The following FGF14 variants were observed in gnomAD, a reference collection of about 807,000 sequenced individuals.
FGF14 encodes the protein fibroblast growth factor homologous factor 4.
FGF14 carries 5 observed loss-of-function variants against 25.5 expected under a neutral mutation model. The observed-to-expected ratio is 0.20, with a 90% confidence interval of 0.10 to 0.41. FGF14 has a LOEUF of 0.41. Ranked by LOEUF, FGF14 falls within the 10% of genes least tolerant of loss-of-function variation. The pLI, the probability that FGF14 is intolerant of heterozygous loss-of-function variation, is 1.00. For synonymous variants in FGF14, 138 were observed against 118.3 expected, an observed-to-expected ratio of 1.17 and a Z score of -1.08; for missense variants, 222 against 320.1, an observed-to-expected ratio of 0.69 and a Z score of 2.34.
At chr13:102,337,434 C>T (rs572096918) in intron 1 of FGF14, among the ~76,000 whole-genome samples, 52 of 152,238 alleles carry the variant, frequency 3.4e-4, no homozygotes, top group African/African-American at 1.1e-3. Flanking sequence ...AATGAGAAAG[C>T]ATTTCTTATG....
chr13:101,946,405 C>T (rs2035810847), intron 1 of FGF14, among the ~76,000 whole-genome samples: 1 of 151,920 alleles, frequency 6.6e-6, no homozygotes, highest in African/African-American at 2.4e-5. Flanking sequence ...CCCAAGTCCC[C>T]CTCTAGCAGT....
upstream of FGF14, among the ~76,000 whole-genome samples, chr13:101,921,807 T>C (rs2034025566): frequency 6.6e-6 from 1 of 152,230 alleles, no homozygotes; most frequent in African/African-American, 2.4e-5. Flanking sequence ...AGGACTTTTA[T>C]ACTTGCTGTT....
chr13:101,777,369 C>T (rs1328447955), intron 3 of FGF14, among the ~76,000 whole-genome samples: 1 of 152,076 alleles, frequency 6.6e-6, no homozygotes, highest in African/African-American at 2.4e-5. Context: ...TAAGAATGGC[C>T]TTTTATTAAG....
chr13:102,046,976 G>A (rs1021924757), intron 1 of FGF14, among the ~76,000 whole-genome samples: 9 of 152,098 alleles, frequency 5.9e-5, no homozygotes, highest in African/African-American at 2.2e-4. Flanking sequence ...GGAGGTGTCA[G>A]GTTAGTGTTA....
At chr13:101,752,496 T>C (rs539778305) in intron 3 of FGF14, among the ~76,000 whole-genome samples, 1 of 152,330 alleles carries the variant, frequency 6.6e-6, no homozygotes, top group African/African-American at 2.4e-5. Context: ...AATAATATTA[T>C]GAATGATGAT....
intron 1 of FGF14, among the ~76,000 whole-genome samples, chr13:102,048,646 T>G (rs2042094136): frequency 6.6e-6 from 1 of 152,188 alleles, no homozygotes; most frequent in Non-Finnish European, 1.5e-5. Context: ...CTGCTGGGGA[T>G]GATGATGCTG....
At chr13:101,848,702 C>T (rs1000657350) in intron 3 of FGF14, among the ~76,000 whole-genome samples, 4 of 151,720 alleles carry the variant, frequency 2.6e-5, no homozygotes, top group Non-Finnish European at 5.9e-5. Flanking sequence ...CTAATATAAA[C>T]CCAAAGAGAG....
chr13:102,394,201 T>A (rs1035238483), intron 1 of FGF14, among the ~76,000 whole-genome samples: 4 of 152,218 alleles, frequency 2.6e-5, no homozygotes, highest in African/African-American at 9.6e-5. Flanking sequence ...GCCAGCTCCC[T>A]TCCCTTTCCT....
chr13:101,928,960 G>A (rs559020838), intron 1 of FGF14, among the ~76,000 whole-genome samples: 2 of 152,060 alleles, frequency 1.3e-5, no homozygotes, highest in African/African-American at 4.8e-5. Flanking sequence ...TGCAAAATAG[G>A]CCTCGCTTGG....
At chr13:102,076,920 G>A (rs376579466) in intron 1 of FGF14, among the ~76,000 whole-genome samples, 51 of 152,156 alleles carry the variant, frequency 3.4e-4, no homozygotes, top group African/African-American at 1.2e-3. Context: ...CTATCACATA[G>A]AGTAATAGAA....
intron 1 of FGF14, among the ~76,000 whole-genome samples, chr13:101,969,957 A>C (rs777389322): frequency 2.0e-5 from 3 of 152,204 alleles, no homozygotes; most frequent in Non-Finnish European, 4.4e-5. Context: ...TATGGGTCAG[A>C]ACATTTCAGA....
intron 1 of FGF14, among the ~76,000 whole-genome samples, chr13:102,208,221 T>C (rs1159670689): frequency 6.6e-6 from 1 of 152,204 alleles, no homozygotes; most frequent in Non-Finnish European, 1.5e-5. Context: ...ATTTAATCTG[T>C]AATCAGAAAG....
At chr13:102,124,049 T>TAA (rs1256610723) in intron 1 of FGF14, among the ~76,000 whole-genome samples, 2 of 115,750 alleles carry the variant, frequency 1.7e-5, no homozygotes, top group Admixed American at 7.9e-5. Flanking sequence ...AGAACAGCAA[T>TAA]GAGAAAGAGA....
intron 3 of FGF14, among the ~76,000 whole-genome samples, chr13:101,821,195 G>A (rs1362017310): frequency 2.6e-5 from 4 of 152,086 alleles, no homozygotes; most frequent in Non-Finnish European, 2.9e-5. Flanking sequence ...TGATCCACCC[G>A]CCTCGGCCTC....
chr13:102,030,150 A>G (rs1199939473), intron 1 of FGF14, among the ~76,000 whole-genome samples: 2 of 152,154 alleles, frequency 1.3e-5, no homozygotes, highest in African/African-American at 4.8e-5. Context: ...TCCTACAAAC[A>G]ATGACATACT....
intron 3 of FGF14, among the ~76,000 whole-genome samples, chr13:101,765,699 T>TTTATTA (rs1329517281): frequency 1.3e-5 from 2 of 150,598 alleles, no homozygotes; most frequent in African/African-American, 2.4e-5. Flanking sequence ...AAGCCTTTTA[T>TTTATTA]TTATTATTAT....
chr13:101,868,835 A>T lies in FGF14; in HGVS notation c.305-7T>A. The T allele has an allele frequency of 6.3e-7, 1 of 1,592,960 alleles. No homozygotes were observed. Among genetic ancestry groups the T allele is most frequent in the Non-Finnish European group, 8.6e-7 (1 of 1,160,800 alleles). On this transcript the variant is annotated splice_polypyrimidine_tract_variant and splice_region_variant and intron_variant, in intron 2 of 4. Transcript: ENST00000376143. ...GGTATGAGGTTGAAGAGTGCTGTGAAGATAAACATTGTCTATCATGAATGG... is the reference window on the plus strand; with the variant it reads ...GGTATGAGGTTGAAGAGTGCTGTGATGATAAACATTGTCTATCATGAATGG...
chr13:101,727,499 A>C (rs1312013745), intron 3 of FGF14, among the ~76,000 whole-genome samples: 2 of 152,134 alleles, frequency 1.3e-5, no homozygotes, highest in African/African-American at 4.8e-5. Flanking sequence ...AAAACCACAC[A>C]GCATTTTTGG....
intron 1 of FGF14, among the ~76,000 whole-genome samples, chr13:102,094,480 G>T (rs9513979): frequency 0.39 from 58,421 of 151,728 alleles, 13,298 homozygotes; most frequent in Non-Finnish European, 0.51. Context: ...GGTTTTTAAT[G>T]CAGACAAAAG....
Sources: gnomAD v4.1 joint callset for allele counts (sites outside exome capture counted in the v4.1 genomes callset) on GRCh38, gnomAD v4.1.1 for gene constraint, MANE v1.5 for transcripts, NCBI Gene and HGNC (gene_info 2026-07-23, HGNC 2026-07-21) for gene names.